DCT: variants seen among roughly 807,000 people sequenced by gnomAD.
The protein encoded by DCT is L-dopachrome tautomerase.
Under a neutral mutation model 53.0 loss-of-function variants are expected in DCT, and 47 were observed. The observed-to-expected ratio is 0.89, with a 90% CI of 0.70 to 1.13. The LOEUF (loss-of-function observed/expected upper bound fraction) is 1.13, where lower values mean the gene tolerates loss of function less well. Among genes scored for constraint, DCT ranks in the 50% most tolerant of loss-of-function variants. The pLI is 0.00. For synonymous variants in DCT, 244 were observed against 237.0 expected (o/e 1.03, Z -0.27); for missense variants, 669 against 637.4 (o/e 1.05, Z -0.53).
chr13:94,450,180 A>T lies in DCT; in HGVS notation c.1180-6543T>A, dbSNP rs567881480. Among the ~76,000 whole-genome samples the T allele has an allele frequency of 1.1e-3, 167 of 152,296 alleles. 1 individual carries two copies. The highest frequency in any genetic ancestry group is 2.1e-3 in the South Asian group (10 of 4,828). ...GAGCCAGGAAGAAGTTCCTCACCACACGCTGAATCTGCTAATGCCTTGATC... is the reference window on the plus strand; with the variant it reads ...GAGCCAGGAAGAAGTTCCTCACCACTCGCTGAATCTGCTAATGCCTTGATC... On this transcript the variant is annotated intron_variant, in intron 6 of 7. Transcript: ENST00000377028.
At chr13:94,477,825 T>C (rs1885194496) in intron 1 of DCT, among the ~76,000 whole-genome samples, 1 of 152,204 alleles carries the variant, frequency 6.6e-6, no homozygotes, top group South Asian at 2.1e-4. Flanking sequence ...GGAAAAAGTC[T>C]TCTGCAACCA....
the DCT span, among the ~76,000 whole-genome samples, chr13:94,507,108 C>T: frequency 6.6e-6 from 1 of 152,138 alleles, no homozygotes; most frequent in African/African-American, 2.4e-5. Context: ...GACACAACTA[C>T]ATGGCATGCC....
the DCT span, among the ~76,000 whole-genome samples, chr13:94,492,391 G>A: frequency 1.3e-5 from 2 of 152,172 alleles, no homozygotes; most frequent in Admixed American, 1.3e-4. Context: ...TCTGAACTAA[G>A]CTTGAGGTTC....
the DCT span, among the ~76,000 whole-genome samples, chr13:94,527,873 GA>G: frequency 7.4e-6 from 1 of 135,188 alleles, no homozygotes; most frequent in African/African-American, 3.0e-5. Context: ...CCCATCACAA[GA>G]AAGCTAAAAA....
the DCT span, among the ~76,000 whole-genome samples, chr13:94,526,474 A>T: frequency 2.6e-5 from 4 of 152,084 alleles, no homozygotes; most frequent in Admixed American, 6.5e-5. Flanking sequence ...TATCTCTACA[A>T]AACATTTAAA....
rs1407995 is a variant in DCT at position 94,443,759 on chromosome 13, T to C, written c.1180-122A>G. The C allele has an allele frequency of 0.75, 542,903 of 723,948 alleles. 210,952 individuals are homozygous for C. Among genetic ancestry groups the C allele is most frequent in the Non-Finnish European group, 0.81 (348,629 of 428,174 alleles). 44.8% of individuals were successfully genotyped at this position (723,948 alleles called of 1,614,324 possible). The stretch of plus-strand genomic sequence containing the variant: ...TGACATAGGAACTTCTGTATACCCA[T>C]GTGTGGAATACCCCCTTCTGTGTAC... On this transcript the variant is annotated intron_variant, in intron 6 of 7. Transcript: ENST00000377028.
chr13:94,472,145 A>G (rs947194641), intron 1 of DCT, among the ~76,000 whole-genome samples: 1 of 152,214 alleles, frequency 6.6e-6, no homozygotes, highest in African/African-American at 2.4e-5. Context: ...AACTTATGCC[A>G]TGAATTTGAA....
chr13:94,510,158 AG>A, the DCT span, among the ~76,000 whole-genome samples: 1 of 152,136 alleles, frequency 6.6e-6, no homozygotes, highest in Non-Finnish European at 1.5e-5. Context: ...CTAACTATCA[AG>A]GGCATTCTCT....
At chr13:94,483,951 C>T (rs1015770595), upstream of DCT, among the ~76,000 whole-genome samples, 2 of 152,212 alleles carry the variant, frequency 1.3e-5, no homozygotes, top group East Asian at 1.9e-4. Context: ...AAAGAATTAC[C>T]TTGTAAGCTT....
Position 94,460,139 on chromosome 13 carries a change from G to A in DCT, c.1131C>T (p.Asn377=), listed in dbSNP as rs776819456. The A allele has an allele frequency of 2.7e-5, 44 of 1,613,924 alleles. No homozygotes were observed. Among genetic ancestry groups the A allele is most frequent in the East Asian group, 2.0e-4 (9 of 44,872 alleles). The change falls in exon 6 of 8, where the codon AAC becomes AAT. Residue 377 remains asparagine, a synonymous_variant. Transcript: ENST00000377028. ...CTGAATGTGGCAAAGCGTTTGTCCC[G>A]TTCAGGAAGGAATGAACCAAATTAT... ...SLHNLVHSFL[N]GTNALPHSAA... is the part of the protein sequence containing the mutation.
At chr13:94,508,266 G>A in the DCT span, among the ~76,000 whole-genome samples, 1 of 152,190 alleles carries the variant, frequency 6.6e-6, no homozygotes, top group South Asian at 2.1e-4. Context: ...AACACTATGA[G>A]TTAGGCACAG....
In DCT at chr13:94,439,188, G is replaced by C. The variant is rs560971532; in HGVS notation, c.*710C>G. 2.0e-5 allele frequency: 3 copies of C among 152,528 alleles called. No individual in the cohort carries two copies. The highest frequency in any genetic ancestry group is 7.2e-5 in the African/African-American group (3 of 41,512). The allele number at this position is 152,528 out of a possible 1,614,324, so 9.4% of individuals were successfully genotyped here. On this transcript the variant is annotated 3_prime_UTR_variant, in exon 8 of 8. Coordinates refer to ENST00000377028, the MANE Select transcript of DCT (RefSeq NM_001922.5). ...TCCAGCTATTGAATCCTGTAATATAGGTCTACTGTTTAAAACTGCAGATTT... is the reference window on the plus strand; with the variant it reads ...TCCAGCTATTGAATCCTGTAATATACGTCTACTGTTTAAAACTGCAGATTT...
chr13:94,480,050 G>T (rs1885373473), upstream of DCT, among the ~76,000 whole-genome samples: 1 of 152,108 alleles, frequency 6.6e-6, no homozygotes, highest in African/African-American at 2.4e-5. Flanking sequence ...CACAACAGGG[G>T]GTCATGCAAC....
chr13:94,452,758 C>G (rs771674681), intron 6 of DCT: 33 of 549,822 alleles, frequency 6.0e-5, no homozygotes, highest in Non-Finnish European at 8.8e-5. Context: ...TACTATACAG[C>G]TATAAAAAAA....
At chr13:94,455,363 CAG>C (rs1257371083) in intron 6 of DCT, among the ~76,000 whole-genome samples, 2 of 140,376 alleles carry the variant, frequency 1.4e-5, no homozygotes, top group East Asian at 2.0e-4. Flanking sequence ...GCCTGGGCAA[CAG>C]AGAGAGACTG....
the DCT span, among the ~76,000 whole-genome samples, chr13:94,541,226 G>A: frequency 6.6e-6 from 1 of 152,122 alleles, no homozygotes; most frequent in African/African-American, 2.4e-5. Context: ...TATTCAGGCT[G>A]GACACAGTGG....
In DCT at chr13:94,465,676, T is replaced by C; in HGVS notation, c.820A>G (p.Ser274Gly). Residue 274 changes from serine to glycine, a missense_variant, in exon 4 of 8, where the codon AGT becomes GGT. By Grantham distance (56) the Ser-to-Gly change is moderately conservative (BLOSUM62 0). Coordinates refer to ENST00000377028, the MANE Select transcript of DCT (RefSeq NM_001922.5). ...AARPDDPTLI[S>G]RNSRFSSWET... ...CAGCTGGAGAATCTTGAGTTCCGACTAATCAGAGTCGGATCGTCTGGTCTC... is the reference window on the plus strand; with the variant it reads ...CAGCTGGAGAATCTTGAGTTCCGACCAATCAGAGTCGGATCGTCTGGTCTC... The C allele has an allele frequency of 6.2e-7, 1 of 1,613,642 alleles. No individual in the cohort carries two copies. The highest frequency in any genetic ancestry group is 1.7e-5 in the Admixed American group (1 of 59,970).
the DCT span, among the ~76,000 whole-genome samples, chr13:94,532,225 T>C: frequency 6.6e-6 from 1 of 152,180 alleles, no homozygotes; most frequent in African/African-American, 2.4e-5. Flanking sequence ...GAAGACAGTG[T>C]GGCGATTCCT....
At chr13:94,468,631 G>A in intron 2 of DCT, 115 bp downstream of exon 2, 1 of 919,828 alleles carries the variant, frequency 1.1e-6, no homozygotes, top group Non-Finnish European at 1.7e-6. Flanking sequence ...ATAAACCTAA[G>A]GCTGCCTTGT....
Sources: allele counts gnomAD v4.1 joint callset (sites outside exome capture counted in the v4.1 genomes callset), GRCh38; gene constraint gnomAD v4.1.1; transcripts MANE v1.5; gene names NCBI Gene and HGNC (gene_info 2026-07-23, HGNC 2026-07-21).